IQGAP3: variants seen among roughly 807,000 people sequenced by gnomAD.
IQGAP3 encodes the protein IQ motif containing GTPase activating protein 3.
Under a neutral mutation model 208.2 loss-of-function variants are expected in IQGAP3, and 165 were observed. The observed-to-expected ratio is 0.79, with a 90% confidence interval of 0.70 to 0.90. The LOEUF is 0.90. IQGAP3 is among the 40% of genes least tolerant of loss of function. The pLI is 0.00. For synonymous variants in IQGAP3, 703 were observed against 803.6 expected, an observed-to-expected ratio of 0.87 and a Z score of 2.12; for missense variants, 1,811 against 2,043.1, an observed-to-expected ratio of 0.89 and a Z score of 2.19.
In IQGAP3 at chr1:156,527,852, G is replaced by A. The variant is rs72994696; in HGVS notation, c.4782+100C>T. The A allele has an allele frequency of 0.012, 9,223 of 754,516 alleles. 608 individuals carry two copies. In the African/African-American group the frequency reaches 0.14, roughly 12 times the overall value. 46.7% of individuals were successfully genotyped at this position (754,516 alleles called of 1,614,324 possible). A position where few individuals can be genotyped will look rare whatever the true frequency, so the allele number is the denominator to read the frequency against. On this transcript the variant is annotated intron_variant, in intron 37 of 37. Coordinates refer to ENST00000361170, the MANE Select transcript of IQGAP3 (RefSeq NM_178229.5). ...ACTGATTGGGTGAAAAACTGAGCTG[G>A]TGTCATCTGAGGACTAGGAAAGTGA...
chr1:156,539,485 G>T lies in IQGAP3; in HGVS notation c.2945C>A (p.Thr982Asn). The T allele has an allele frequency of 1.4e-5, 23 of 1,614,172 alleles. No individual in the cohort carries two copies. The highest frequency in any genetic ancestry group is 1.9e-5 in the Non-Finnish European group (23 of 1,180,022). The stretch of plus-strand genomic sequence containing the variant: ...AATCACTGCCTCCATGAACTTGGTG[G>T]TTTTGTTCTGTGGCATCTGAAAGAT... ...KLIFQMPQNK[T>N]TKFMEAVIFS... The change falls in exon 25 of 38, where the codon ACC (threonine) becomes AAC (asparagine). Residue 982 changes from threonine to asparagine, a missense_variant. Coordinates refer to ENST00000361170, the MANE Select transcript of IQGAP3 (RefSeq NM_178229.5).
chr1:156,563,676 T>C lies in IQGAP3; in HGVS notation c.506-10A>G, dbSNP rs371659383. ...TTGCTGAGTTCCTCAGCTGCAATGA[T>C]GCCACAGGTGCCCTTCATCAGGCCC... On this transcript the variant is annotated splice_polypyrimidine_tract_variant and intron_variant, in intron 6 of 37. Transcript: ENST00000361170. 21 of 1,611,050 alleles carry C rather than the reference T, an allele frequency of 1.3e-5. No individual in the cohort carries two copies. The East Asian group carries it at 3.8e-4, about 29-fold the overall frequency.
intron 26 of IQGAP3, 67 bp from the exon 27 acceptor site, chr1:156,537,388 A>G (rs1674742460): frequency 1.4e-6 from 2 of 1,465,658 alleles, no homozygotes; most frequent in Non-Finnish European, 1.8e-6. Flanking sequence ...CCAAGGCCCT[A>G]TTCCTTAAAC....
At chr1:156,530,007 A>T in intron 34 of IQGAP3, 98 bp downstream of exon 34, 1 of 984,220 alleles carries the variant, frequency 1.0e-6, no homozygotes, top group Non-Finnish European at 1.5e-6. Flanking sequence ...GTGAGGACTC[A>T]TCAGGAGGGG....
intron 13 of IQGAP3, among the ~76,000 whole-genome samples, chr1:156,553,928 G>A (rs776578444): frequency 6.6e-6 from 1 of 152,206 alleles, no homozygotes; most frequent in Non-Finnish European, 1.5e-5. Context: ...TAGCATGTAA[G>A]TTTGACAAGA....
At chr1:156,549,075 A>G (rs752580166) in intron 16 of IQGAP3, among the ~76,000 whole-genome samples, 7 of 152,134 alleles carry the variant, frequency 4.6e-5, no homozygotes, top group Non-Finnish European at 8.8e-5. Context: ...CTGTAATCCC[A>G]ACACTTTGGG....
chr1:156,549,164 A>G (rs1675418933), intron 16 of IQGAP3, among the ~76,000 whole-genome samples: 1 of 152,010 alleles, frequency 6.6e-6, no homozygotes, highest in Non-Finnish European at 1.5e-5. Flanking sequence ...ATCTCTATAA[A>G]AAAATACAAA....
intron 15 of IQGAP3, among the ~76,000 whole-genome samples, chr1:156,551,354 A>AT (rs1362411760): frequency 2.0e-5 from 3 of 152,102 alleles, no homozygotes; most frequent in African/African-American, 7.2e-5. Flanking sequence ...AATTCATTTG[A>AT]TTTTCACCCT....
At chr1:156,555,996 C>G (rs532505105) in intron 12 of IQGAP3, among the ~76,000 whole-genome samples, 2 of 152,228 alleles carry the variant, frequency 1.3e-5, no homozygotes, top group Admixed American at 1.3e-4. Context: ...AGGAAGACTT[C>G]CCGGCTCTGC....
At chr1:156,543,223 C>T (rs1205979218) in intron 22 of IQGAP3, among the ~76,000 whole-genome samples, 2 of 151,898 alleles carry the variant, frequency 1.3e-5, no homozygotes, top group African/African-American at 4.8e-5. Flanking sequence ...AGCTTGTTGA[C>T]AGGAAGCAGA....
intron 26 of IQGAP3, among the ~76,000 whole-genome samples, chr1:156,537,911 C>T (rs1208084337): frequency 1.4e-4 from 19 of 140,698 alleles, no homozygotes; most frequent in African/African-American, 4.3e-4. Flanking sequence ...TTTTTTTTTG[C>T]GGGGGGACAG....
rs759048607 is a variant in IQGAP3 at position 156,530,334 on chromosome 1, G to A, written c.4192-17C>T. On this transcript the variant is annotated splice_polypyrimidine_tract_variant and intron_variant, in intron 33 of 37. Transcript: ENST00000361170. Reference sequence around the variant, plus strand: ...GGCTGCTTCCTGGGGACACACAGACGCTGGAGGGGTCTACCAGGTCCTACC... The same window carrying A: ...GGCTGCTTCCTGGGGACACACAGACACTGGAGGGGTCTACCAGGTCCTACC... 8 of 1,596,712 alleles carry A rather than the reference G, an allele frequency of 5.0e-6. No homozygotes were observed. Among genetic ancestry groups the A allele is most frequent in the South Asian group, 2.2e-5 (2 of 89,546 alleles).
At position 156,561,901 on chromosome 1, in the gene IQGAP3, C is replaced by T. The variant is rs1676166176; in HGVS notation, c.978G>A (p.Val326=). The T allele has an allele frequency of 6.2e-7, 1 of 1,614,112 alleles. No homozygotes were observed. Among genetic ancestry groups the T allele is most frequent in the Non-Finnish European group, 8.5e-7 (1 of 1,179,992 alleles). ...GGTACCAGTCAGCAAAGTCTCTCCT[C>T]ACCCCTCGCAGGGCCAGGGCAGGGT... ...LQDPALALRG[V]RRDFADWYLE... Residue 326 remains valine (V), a synonymous_variant, in exon 10 of 38, where the codon GTG becomes GTA. Coordinates refer to ENST00000361170, the MANE Select transcript of IQGAP3 (RefSeq NM_178229.5).
chr1:156,529,967 C>A (rs1674302772), intron 34 of IQGAP3, 138 bp downstream of exon 34: 4 of 560,104 alleles, frequency 7.1e-6, no homozygotes, highest in Admixed American at 3.2e-5. Context: ...AAAGGACCCT[C>A]AGCCTTCCTC....
At chr1:156,542,785 C>T (rs1188069965) in intron 22 of IQGAP3, among the ~76,000 whole-genome samples, 1 of 151,840 alleles carries the variant, frequency 6.6e-6, no homozygotes, top group Non-Finnish European at 1.5e-5. Flanking sequence ...TACAAAAAAT[C>T]AAAAAGTTAG....
chr1:156,550,211 C>A (rs750116300), intron 16 of IQGAP3, 50 bp downstream of exon 16: 1 of 1,300,742 alleles, frequency 7.7e-7, no homozygotes, highest in Non-Finnish European at 1.1e-6. Flanking sequence ...TGCTGCTGAG[C>A]CCACATCACC....
At chr1:156,559,507 A>T (rs1400978642) in intron 11 of IQGAP3, among the ~76,000 whole-genome samples, 1 of 152,230 alleles carries the variant, frequency 6.6e-6, no homozygotes, top group Non-Finnish European at 1.5e-5. Flanking sequence ...CACTGCTGTC[A>T]ATGTCATGTT....
chr1:156,532,738 T>C (rs1674470707), intron 32 of IQGAP3, among the ~76,000 whole-genome samples: 2 of 152,068 alleles, frequency 1.3e-5, no homozygotes. Flanking sequence ...AAACACCTGC[T>C]GTTGCCAATA....
In IQGAP3 at chr1:156,548,649, A is replaced by AC; in HGVS notation, c.1924dup (p.Val642GlyfsTer33). On this transcript the variant is annotated frameshift_variant, in exon 17 of 38. Transcript: ENST00000361170. LOFTEE classifies it high-confidence loss of function. ...GTAGCCGTTGGCACAGTCGGGAACT[A>AC]CCCCTCGAAGGGCCACTGCGGGGTT... is the stretch of plus-strand genomic sequence containing the variant. The AC allele has an allele frequency of 1.2e-6, 2 of 1,612,102 alleles. No homozygotes were observed. The highest frequency in any genetic ancestry group is 1.7e-6 in the Non-Finnish European group (2 of 1,178,796).
Sources: gnomAD v4.1 joint callset for allele counts (sites outside exome capture counted in the v4.1 genomes callset) on GRCh38, gnomAD v4.1.1 for gene constraint, MANE v1.5 for transcripts, NCBI Gene and HGNC (gene_info 2026-07-23, HGNC 2026-07-21) for gene names.